Variants in SAMSN1 observed in about 807,000 individuals in gnomAD.
SAMSN1 encodes the protein SAM domain, SH3 domain and nuclear localization signals 1, also known as SAM domain-containing protein SAMSN-1.
In SAMSN1, 31 loss-of-function variants were observed where a neutral mutation model predicts 42.0. The observed-to-expected ratio is 0.74, with a 90% confidence interval of 0.55 to 1.00. SAMSN1 has a LOEUF of 1.00. Among genes scored for constraint, SAMSN1 ranks in the 50% least tolerant of loss-of-function variants. The pLI is 0.00. For synonymous variants in SAMSN1, 178 were observed against 151.9 expected, an observed-to-expected ratio of 1.17 and a Z score of -1.26; for missense variants, 464 against 439.4, an observed-to-expected ratio of 1.06 and a Z score of -0.50.
At chr21:14,645,562 A>T (rs754766919) in intron 1 of SAMSN1, among the ~76,000 whole-genome samples, 6 of 152,228 alleles carry the variant, frequency 3.9e-5, no homozygotes, top group Non-Finnish European at 8.8e-5. Context: ...AATCCAAGAC[A>T]GTGAAGACTA....
intron 2 of SAMSN1, among the ~76,000 whole-genome samples, chr21:14,561,632 A>C (rs1980949981): frequency 1.3e-5 from 2 of 152,160 alleles, no homozygotes; most frequent in African/African-American, 4.8e-5. Flanking sequence ...GATATGTTGA[A>C]TTCCTGACCC....
intron 1 of SAMSN1, among the ~76,000 whole-genome samples, chr21:14,530,100 A>G (rs1209098313): frequency 2.0e-5 from 3 of 152,182 alleles, no homozygotes; most frequent in Non-Finnish European, 4.4e-5. Context: ...GCGGATCACG[A>G]GGTCAGGAGA....
At chr21:14,508,602 C>G (rs59714088) in intron 5 of SAMSN1, among the ~76,000 whole-genome samples, 6,455 of 152,224 alleles carry the variant, frequency 0.042, 446 homozygotes, top group African/African-American at 0.15. Context: ...TTCTACACTG[C>G]TGGTGGGAGT....
intron 7 of SAMSN1, among the ~76,000 whole-genome samples, chr21:14,497,062 T>C (rs1473026645): frequency 6.6e-6 from 1 of 152,172 alleles, no homozygotes. Flanking sequence ...CTGTTACTTG[T>C]AGTGTTAGAA....
chr21:14,612,640 A>G (rs1352502276), intron 4 of SAMSN1: 1 of 583,734 alleles, frequency 1.7e-6, no homozygotes, highest in South Asian at 1.5e-5. Context: ...ACCAAAGAGG[A>G]TTATTCTGTT....
intron 4 of SAMSN1, among the ~76,000 whole-genome samples, chr21:14,611,731 A>G (rs1286490814): frequency 6.6e-6 from 1 of 152,214 alleles, no homozygotes; most frequent in African/African-American, 2.4e-5. Context: ...TATAGATGCT[A>G]CTGCTGGGAG....
chr21:14,586,820 A>G (rs1981933436), upstream of SAMSN1, among the ~76,000 whole-genome samples: 1 of 152,246 alleles, frequency 6.6e-6, no homozygotes, highest in South Asian at 2.1e-4. Context: ...CAGAAAGAAT[A>G]TTTCACCTGA....
In SAMSN1 at chr21:14,633,982, C is replaced by T. The variant is rs796084482; in HGVS notation, c.156+9020G>A. On this transcript the variant is annotated intron_variant, in intron 2 of 15. Transcript: ENST00000647101. ...AATAATTTAATGGATTTTTCCAGTG[C>T]TTTTTATCAGTACAAAATGCTGATG... is the stretch of plus-strand genomic sequence containing the variant. 7.2e-5 allele frequency among the ~76,000 whole-genome samples: 11 copies of T among 152,042 alleles called. 1 individual carries two copies. Among genetic ancestry groups the T allele is most frequent in the African/African-American group, 2.7e-4 (11 of 41,454 alleles).
chr21:14,504,018 A>T (rs1307603930), intron 5 of SAMSN1, among the ~76,000 whole-genome samples: 1 of 152,138 alleles, frequency 6.6e-6, no homozygotes, highest in Non-Finnish European at 1.5e-5. Flanking sequence ...ATCATTACAG[A>T]TTGCTCTCAG....
intron 3 of SAMSN1, chr21:14,612,975 C>A: frequency 4.6e-6 from 3 of 654,362 alleles, no homozygotes; most frequent in South Asian, 1.7e-5. Context: ...TTTAATCAAA[C>A]AGAAATTAGA....
At chr21:14,518,300 A>T (rs1988007868) in intron 2 of SAMSN1, among the ~76,000 whole-genome samples, 1 of 152,156 alleles carries the variant, frequency 6.6e-6, no homozygotes, top group Non-Finnish European at 1.5e-5. Flanking sequence ...TCATTTGATT[A>T]TTGTCTGCGT....
At position 14,539,294 on chromosome 21, in the gene SAMSN1, G is replaced by A. The variant is rs540768535; in HGVS notation, c.57+6911C>T. Among the ~76,000 whole-genome samples the A allele has an allele frequency of 1.2e-3, 182 of 152,280 alleles. 1 individual carries two copies. Among genetic ancestry groups the A allele is most frequent in the Non-Finnish European group, 1.7e-3 (119 of 68,028 alleles). Reference sequence around the variant, plus strand: ...CATAGTGTTGGAAGTTCTGGCCAGCGCAATCAGGCAGGAGAAAGAAATAAA... The same window carrying A: ...CATAGTGTTGGAAGTTCTGGCCAGCACAATCAGGCAGGAGAAAGAAATAAA... On this transcript the variant is annotated intron_variant, in intron 1 of 7. Transcript: ENST00000400566.
chr21:14,573,337 G>T (rs1212544989), intron 2 of SAMSN1, among the ~76,000 whole-genome samples: 1 of 152,132 alleles, frequency 6.6e-6, no homozygotes, highest in African/African-American at 2.4e-5. Context: ...AGTACTTCTT[G>T]TTAGAATGGT....
chr21:14,591,695 A>T (rs1982090729), intron 7 of SAMSN1, among the ~76,000 whole-genome samples: 1 of 152,182 alleles, frequency 6.6e-6, no homozygotes, highest in African/African-American at 2.4e-5. Context: ...ATTAGCAGGT[A>T]TTTAAGAAGC....
chr21:14,497,703 C>T (rs1986969380), intron 7 of SAMSN1, among the ~76,000 whole-genome samples: 1 of 152,106 alleles, frequency 6.6e-6, no homozygotes, highest in African/African-American at 2.4e-5. Context: ...TAGACTTTCC[C>T]CTTTTGGTTG....
chr21:14,584,499 G>A (rs1170167357), upstream of SAMSN1, among the ~76,000 whole-genome samples: 1 of 152,044 alleles, frequency 6.6e-6, no homozygotes, highest in Non-Finnish European at 1.5e-5. Context: ...TGTTGAATTT[G>A]TATTTATACA....
intron 2 of SAMSN1, among the ~76,000 whole-genome samples, chr21:14,553,250 C>A (rs868304826): frequency 1.3e-5 from 2 of 151,920 alleles, no homozygotes; most frequent in African/African-American, 4.8e-5. Flanking sequence ...TTATTCATGG[C>A]TGAGTTAAAT....
chr21:14,658,658 A>C (rs1158333837), intron 1 of SAMSN1: 1 of 696,738 alleles, frequency 1.4e-6, no homozygotes. Flanking sequence ...ATATCATCAC[A>C]TAAGAAGTTT....
intron 2 of SAMSN1, among the ~76,000 whole-genome samples, chr21:14,642,031 G>A (rs1983609997): frequency 6.6e-6 from 1 of 152,146 alleles, no homozygotes; most frequent in Non-Finnish European, 1.5e-5. Context: ...AAGAACATGA[G>A]CAAGAGAAAA....
Sources: gnomAD v4.1 joint callset for allele counts (sites outside exome capture counted in the v4.1 genomes callset) on GRCh38, gnomAD v4.1.1 for gene constraint, MANE v1.5 for transcripts, NCBI Gene and HGNC (gene_info 2026-07-23, HGNC 2026-07-21) for gene names.